The following THSD4 variants were observed in gnomAD, a reference collection of about 807,000 sequenced individuals.
THSD4 encodes thrombospondin type-1 domain-containing protein 4.
Under a neutral mutation model 119.0 loss-of-function variants are expected in THSD4, and 69 were observed. The ratio of observed to expected loss-of-function variants is 0.58; its 90% CI spans 0.48 to 0.71. The LOEUF is 0.71. Ranked by LOEUF, THSD4 falls within the 30% of genes least tolerant of loss-of-function variation. The pLI is 0.00. For synonymous variants in THSD4, 524 were observed against 540.4 expected (o/e 0.97, Z 0.42); for missense variants, 1,393 against 1,391.1 (o/e 1.00, Z -0.02).
At chr15:71,236,403 TG>T (rs2044105973) in intron 4 of THSD4, among the ~76,000 whole-genome samples, 1 of 152,238 alleles carries the variant, frequency 6.6e-6, no homozygotes, top group East Asian at 1.9e-4. Context: ...TAGCCCCTGC[TG>T]GGTCCCTCTC....
In THSD4 at chr15:71,737,802, C is replaced by T. The variant is rs200317870; in HGVS notation, c.1701C>T (p.Asn567=). The part of the protein sequence containing the change: ...SQEEGEQKGR[N]EEKEDLRGEA... ...AGGAGGGAGAACAGAAAGGGAGGAA[C>T]GAGGAGAAGGAAGACTTGCGTGGGG... Residue 567 remains asparagine (N), a synonymous_variant, in exon 11 of 18, where the codon AAC becomes AAT. Transcript: ENST00000261862. The T allele has an allele frequency of 1.4e-5, 22 of 1,614,166 alleles. No homozygotes were observed. The highest frequency in any genetic ancestry group is 5.5e-5 in the South Asian group (5 of 91,078).
At chr15:71,371,651 G>A (rs546875126) in intron 6 of THSD4, among the ~76,000 whole-genome samples, 7 of 152,230 alleles carry the variant, frequency 4.6e-5, no homozygotes, top group African/African-American at 7.2e-5. Context: ...GAGATCCACT[G>A]TTAGTCTGAT....
chr15:71,129,725 C>T (rs2040486007), intron 1 of THSD4, among the ~76,000 whole-genome samples: 1 of 151,924 alleles, frequency 6.6e-6, no homozygotes. Flanking sequence ...CTAGGTTTCT[C>T]CCTCCTTCTG....
intron 8 of THSD4, among the ~76,000 whole-genome samples, chr15:71,678,386 A>G (rs532965184): frequency 3.3e-5 from 5 of 152,182 alleles, no homozygotes; most frequent in African/African-American, 1.2e-4. Context: ...TTGCTTCTCC[A>G]TGGTTACTGC....
chr15:71,608,222 C>CAAAAAAAA (rs1220559216), intron 7 of THSD4, among the ~76,000 whole-genome samples: 7 of 46,746 alleles, frequency 1.5e-4, no homozygotes, highest in East Asian at 7.1e-4. Context: ...AACTCTGTCT[C>CAAAAAAAA]AAAAAAAAAA....
intron 8 of THSD4, among the ~76,000 whole-genome samples, chr15:71,719,211 CA>C (rs1297474627): frequency 6.6e-6 from 1 of 152,188 alleles, no homozygotes; most frequent in Non-Finnish European, 1.5e-5. Context: ...TCCCTTCGTT[CA>C]AACCCCTTAC....
At chr15:71,550,902 C>A (rs1460857795) in intron 7 of THSD4, among the ~76,000 whole-genome samples, 2 of 152,132 alleles carry the variant, frequency 1.3e-5, no homozygotes, top group Non-Finnish European at 2.9e-5. Context: ...GAACCATATC[C>A]TTTAAAAGAG....
intron 7 of THSD4, among the ~76,000 whole-genome samples, chr15:71,578,994 C>T (rs2049509392): frequency 1.3e-5 from 2 of 151,842 alleles, no homozygotes; most frequent in African/African-American, 4.8e-5. Context: ...CAGGCACCAG[C>T]TATCACACCC....
chr15:71,442,660 G>GTATGTATGTATGTATATATATATATA (rs1555414328), intron 7 of THSD4, among the ~76,000 whole-genome samples: 1 of 25,814 alleles, frequency 3.9e-5, no homozygotes, highest in Non-Finnish European at 9.2e-5. Context: ...GTGTGTGTGT[G>GTATGTATGTATGTATATATATATATA]TATATATATA....
At chr15:71,701,598 T>C (rs149489623) in intron 8 of THSD4, among the ~76,000 whole-genome samples, 2 of 152,314 alleles carry the variant, frequency 1.3e-5, no homozygotes, top group African/African-American at 4.8e-5. Flanking sequence ...TGAAACACTC[T>C]TTAGCCATTA....
intron 14 of THSD4, among the ~76,000 whole-genome samples, chr15:71,751,721 G>T (rs2053451416): frequency 6.6e-6 from 1 of 151,860 alleles, no homozygotes; most frequent in African/African-American, 2.4e-5. Context: ...AGGCTGGACT[G>T]CAGTGGCACA....
chr15:71,235,255 A>T (rs1460198493), intron 4 of THSD4, among the ~76,000 whole-genome samples: 2 of 152,186 alleles, frequency 1.3e-5, no homozygotes, highest in Non-Finnish European at 2.9e-5. Context: ...ACCCTGTGAT[A>T]CTTAGTCTCC....
At chr15:71,406,841 G>A (rs1288482590) in intron 6 of THSD4, among the ~76,000 whole-genome samples, 2 of 151,748 alleles carry the variant, frequency 1.3e-5, no homozygotes, top group Admixed American at 6.6e-5. Flanking sequence ...CACCAAGCCC[G>A]GCTAATTTTT....
At chr15:71,686,553 G>C (rs187223318) in intron 8 of THSD4, among the ~76,000 whole-genome samples, 2 of 152,232 alleles carry the variant, frequency 1.3e-5, no homozygotes, top group African/African-American at 4.8e-5. Context: ...AGAACACATG[G>C]GATAGTGAGA....
chr15:71,596,599 C>T (rs889838094), intron 7 of THSD4, among the ~76,000 whole-genome samples: 6 of 152,186 alleles, frequency 3.9e-5, no homozygotes, highest in Non-Finnish European at 5.9e-5. Flanking sequence ...GATTGAGTCA[C>T]TTGTGGGAAC....
At chr15:71,203,629 G>A (rs1224323878) in intron 3 of THSD4, among the ~76,000 whole-genome samples, 3 of 152,202 alleles carry the variant, frequency 2.0e-5, no homozygotes, top group African/African-American at 7.2e-5. Context: ...TTGTGCTACA[G>A]TGCTCCAGCC....
chr15:71,449,467 C>T (rs553959894), intron 7 of THSD4, among the ~76,000 whole-genome samples: 6 of 152,202 alleles, frequency 3.9e-5, no homozygotes, highest in South Asian at 4.1e-4. Flanking sequence ...AACCTCTCTG[C>T]GCCTCAGAAA....
chr15:71,762,352 A>G (rs2053641428), intron 15 of THSD4, among the ~76,000 whole-genome samples: 1 of 152,252 alleles, frequency 6.6e-6, no homozygotes, highest in Non-Finnish European at 1.5e-5. Context: ...AGTTTTGATC[A>G]AAGTTTGCAG....
chr15:71,457,566 C>T (rs1185637713), intron 7 of THSD4, among the ~76,000 whole-genome samples: 1 of 152,106 alleles, frequency 6.6e-6, no homozygotes, highest in African/African-American at 2.4e-5. Context: ...ACCATTCCCA[C>T]TCAGCACAGA....
Sources: gnomAD v4.1 joint callset for allele counts (sites outside exome capture counted in the v4.1 genomes callset) on GRCh38, gnomAD v4.1.1 for gene constraint, MANE v1.5 for transcripts, NCBI Gene and HGNC (gene_info 2026-07-23, HGNC 2026-07-21) for gene names.